Variants in CKM observed in about 807,000 individuals in gnomAD.
CKM encodes the protein creatine kinase M-type.
Under a neutral mutation model 35.4 loss-of-function variants are expected in CKM, and 28 were observed. The ratio of observed to expected loss-of-function variants is 0.79; its 90% confidence interval spans 0.59 to 1.08. The LOEUF is 1.08. Among genes scored for constraint, CKM ranks in the 50% least tolerant of loss-of-function variants. The pLI is 0.00. For missense variants in CKM, 484 were observed against 509.8 expected (o/e 0.95, Z 0.49); for synonymous variants, 215 against 204.4 (o/e 1.05, Z -0.44).
At chr19:45,317,060 TTGTC>T (rs1277626844) in intron 3 of CKM, among the ~76,000 whole-genome samples, 12 of 151,858 alleles carry the variant, frequency 7.9e-5, no homozygotes, top group African/African-American at 2.9e-4. Flanking sequence ...GTCTCCTTGG[TTGTC>T]TGTGTCTCCT....
chr19:45,320,910 A>ATTG (rs1210159104), intron 1 of CKM, among the ~76,000 whole-genome samples: 1 of 151,504 alleles, frequency 6.6e-6, no homozygotes, highest in Non-Finnish European at 1.5e-5. Flanking sequence ...TATTATTATT[A>ATTG]TTATGTTTGA....
chr19:45,315,757 G>A (rs1971151782), intron 3 of CKM, among the ~76,000 whole-genome samples, 160 bp from the exon 4 acceptor site: 1 of 151,832 alleles, frequency 6.6e-6, no homozygotes. Flanking sequence ...ACCCATACCT[G>A]GGCTCTGTCT....
intron 3 of CKM, among the ~76,000 whole-genome samples, chr19:45,317,494 T>C (rs571170906): frequency 1.2e-4 from 18 of 151,872 alleles, no homozygotes; most frequent in African/African-American, 4.3e-4. Flanking sequence ...ACCATGTTGG[T>C]CAGGCTGGTC....
chr19:45,306,797 A>G lies in CKM; in HGVS notation c.1099T>C (p.Leu367=), dbSNP rs373999453. Residue 367 remains leucine, a synonymous_variant, in exon 8 of 8, where the codon TTG becomes CTG. Transcript: ENST00000221476. This position sits in a 1 kb window ranked among gnomAD's most constrained non-coding sequence, Gnocchi z 4.5. ...VKLMVEMEKK[L]EKGQSIDDMI... is the part of the protein sequence containing the mutation. ...TCGTCAATGGACTGGCCTTTCTCCA[A>G]CTTCTTCTCCATTTCCACCATGAGC... 57 of 1,613,966 alleles carry G rather than the reference A, an allele frequency of 3.5e-5. No individual in the cohort carries two copies. Among genetic ancestry groups the G allele is most frequent in the Non-Finnish European group, 4.4e-5 (52 of 1,180,002 alleles).
At chr19:45,321,169 G>T (rs1971210729) in intron 1 of CKM, among the ~76,000 whole-genome samples, 1 of 151,946 alleles carries the variant, frequency 6.6e-6, no homozygotes, top group Non-Finnish European at 1.5e-5. Flanking sequence ...CTCCCAAAGT[G>T]CTGAGATTAC....
rs1376651459 is a variant in CKM at position 45,306,482 on chromosome 19, C to T, written c.*268G>A. 3 of 535,158 alleles carry T rather than the reference C, an allele frequency of 5.6e-6. No homozygotes were observed. The highest frequency in any genetic ancestry group is 3.4e-6 in the Non-Finnish European group (1 of 295,426). 33.2% of individuals were successfully genotyped at this position (535,158 alleles called of 1,614,324 possible). On this transcript the variant is annotated 3_prime_UTR_variant, in exon 8 of 8. Coordinates refer to ENST00000221476, the MANE Select transcript of CKM (RefSeq NM_001824.5). This position sits in a 1 kb window ranked among gnomAD's most constrained non-coding sequence, Gnocchi z 4.5. ...GCACAAGCTCCGAGTGTGCTGGGAG[C>T]TCTCCATTAACTAGAGCTCCTGGTT...
chr19:45,308,450 T>A lies in CKM; in HGVS notation c.736A>T (p.Met246Leu). The change falls in exon 6 of 8, where the codon ATG (methionine) becomes TTG (leucine). Residue 246 changes from methionine (M) to leucine (L), a missense_variant. By Grantham distance (15) the Met-to-Leu change is conservative (BLOSUM62 2). Coordinates refer to ENST00000221476, the MANE Select transcript of CKM (RefSeq NM_001824.5). ...RVISMEKGGN[M>L]KEVFRRFCVG... ...CAGAAGCGGCGGAAAACCTCCTTCA[T>A]GTTGCCCCCCTTCTCCATGGAGATG... is the stretch of plus-strand genomic sequence containing the variant. 6.2e-7 allele frequency: 1 copy of A among 1,614,154 alleles called. No homozygotes were observed. The highest frequency in any genetic ancestry group is 1.7e-5 in the Admixed American group (1 of 60,018).
At chr19:45,308,347 C>G in intron 6 of CKM, 62 bp downstream of exon 6, 1 of 1,608,132 alleles carries the variant, frequency 6.2e-7, no homozygotes. Flanking sequence ...GGCGGGGCCT[C>G]GGAAAGCAGG....
At chr19:45,318,397 A>G (rs1971179725) in intron 2 of CKM, among the ~76,000 whole-genome samples, 1 of 149,892 alleles carries the variant, frequency 6.7e-6, no homozygotes, top group Non-Finnish European at 1.5e-5. Flanking sequence ...ACAGAGCAAG[A>G]CTCTGTCTCC....
chr19:45,312,782 C>G (rs1457711672), intron 4 of CKM, among the ~76,000 whole-genome samples: 1 of 151,708 alleles, frequency 6.6e-6, no homozygotes, highest in African/African-American at 2.4e-5. Context: ...GGTGAAACCC[C>G]GTCTCCACTA....
At chr19:45,309,177 G>A (rs1046877013) in intron 5 of CKM, among the ~76,000 whole-genome samples, 7 of 147,534 alleles carry the variant, frequency 4.7e-5, no homozygotes, top group South Asian at 2.1e-4. Context: ...GCAGTGAGTC[G>A]AGATCGCGCC....
chr19:45,316,980 C>T (rs12983944), intron 3 of CKM, among the ~76,000 whole-genome samples: 6 of 151,868 alleles, frequency 4.0e-5, no homozygotes, highest in African/African-American at 1.2e-4. Context: ...CCACTGTGCC[C>T]GGCTATGCCT....
At chr19:45,315,036 C>T (rs1971143662) in intron 4 of CKM, among the ~76,000 whole-genome samples, 1 of 152,170 alleles carries the variant, frequency 6.6e-6, no homozygotes, top group African/African-American at 2.4e-5. Flanking sequence ...TCCCCTCGGT[C>T]ATTCTCCACC....
At position 45,313,010 on chromosome 19, in the gene CKM, T is replaced by A. The variant is rs138109249; in HGVS notation, c.482-1090A>T. Among the ~76,000 whole-genome samples the A allele has an allele frequency of 9.2e-5, 14 of 151,892 alleles. No homozygotes were observed. In the East Asian group the frequency reaches 2.5e-3, roughly 27 times the overall value. On this transcript the variant is annotated intron_variant, in intron 4 of 7. Coordinates refer to ENST00000221476, the MANE Select transcript of CKM (RefSeq NM_001824.5). ...TATTTGTATATTCATGTATAAAATA[T>A]GTGTATAATGAATTTGTGTTTGTGC...
intron 1 of CKM, 40 bp from the exon 2 acceptor site, chr19:45,319,771 G>T: frequency 6.7e-7 from 1 of 1,502,952 alleles, no homozygotes; most frequent in Non-Finnish European, 9.1e-7. Context: ...AAGATTAGCT[G>T]GCATCTTTTT....
rs889950583 is a variant in CKM, at chr19:45,308,528, T to A, written c.658A>T (p.Asn220Tyr). ...CACACCAGGAAGCTCTTGTTGTCATTGTGCCTAGAGTAAGGTGCCGCAGCA... is the reference window on the plus strand; with the variant it reads ...CACACCAGGAAGCTCTTGTTGTCATAGTGCCTAGAGTAAGGTGCCGCAGCA... The part of the protein sequence containing the change: ...DWPDARGIWH[N>Y]DNKSFLVWVN... Residue 220 changes from asparagine to tyrosine, a missense_variant, in exon 6 of 8, where the codon AAT becomes TAT. Transcript: ENST00000221476. 6.2e-7 allele frequency: 1 copy of A among 1,613,886 alleles called. No homozygotes were observed. The highest frequency in any genetic ancestry group is 1.3e-5 in the African/African-American group (1 of 74,884).
At chr19:45,322,601 C>T (rs1241662008) in intron 1 of CKM, among the ~76,000 whole-genome samples, 1 of 152,150 alleles carries the variant, frequency 6.6e-6, no homozygotes, top group Admixed American at 6.5e-5. Flanking sequence ...ACTTGTGCCG[C>T]AGAAATCACA....
chr19:45,312,036 G>T, intron 4 of CKM, 116 bp from the exon 5 acceptor site: 2 of 1,151,950 alleles, frequency 1.7e-6, no homozygotes, highest in South Asian at 1.3e-5. Flanking sequence ...CCCCCTGGAT[G>T]TCCTAAAGGC....
At chr19:45,307,387 G>A (rs896905445) in intron 7 of CKM, 74 bp downstream of exon 7, 2 of 1,412,110 alleles carry the variant, frequency 1.4e-6, no homozygotes, top group Admixed American at 1.8e-5. Flanking sequence ...CAGGGATGTC[G>A]CACCTCTCCT....
Sources: allele counts gnomAD v4.1 joint callset (sites outside exome capture counted in the v4.1 genomes callset), GRCh38; gene constraint gnomAD v4.1.1; non-coding constraint Gnocchi (gnomAD v3.1); transcripts MANE v1.5; gene names NCBI Gene and HGNC (gene_info 2026-07-23, HGNC 2026-07-21).